Variants in CCDC60 observed in about 807,000 individuals in gnomAD.
The protein encoded by CCDC60 is coiled-coil domain-containing protein 60.
In CCDC60, 54 loss-of-function variants were observed where a neutral mutation model predicts 63.5. That is an observed-to-expected ratio of 0.85 (90% CI 0.68 to 1.07). CCDC60 has a LOEUF of 1.07. CCDC60 is among the 50% of genes least tolerant of loss of function. The pLI, the probability that CCDC60 is intolerant of heterozygous loss-of-function variation, is 0.00. For missense variants in CCDC60, 651 were observed against 684.3 expected, an observed-to-expected ratio of 0.95 and a Z score of 0.54; for synonymous variants, 206 against 238.8, an observed-to-expected ratio of 0.86 and a Z score of 1.27.
At chr12:119,447,633 G>A (rs1461620725) in intron 2 of CCDC60, 1 of 152,156 alleles carries the variant, frequency 6.6e-6, no homozygotes, top group Admixed American at 6.5e-5. Flanking sequence ...GTAATAACAG[G>A]GATGGCAGGG....
At position 119,506,369 on chromosome 12, in the gene CCDC60, G is replaced by A. The variant is rs140953906; in HGVS notation, c.883+1066G>A. Reference sequence around the variant, plus strand: ...TGTAATCCCAGAACTTAGGGAGATGGAGGTGGGCAGATCGCTTGAGTTCAG... The same window carrying A: ...TGTAATCCCAGAACTTAGGGAGATGAAGGTGGGCAGATCGCTTGAGTTCAG... On this transcript the variant is annotated intron_variant, in intron 7 of 13. Coordinates refer to ENST00000327554, the MANE Select transcript of CCDC60 (RefSeq NM_178499.5). Among the ~76,000 whole-genome samples, 421 of 150,868 alleles carry A rather than the reference G, an allele frequency of 2.8e-3. 2 individuals are homozygous for A. The highest frequency in any genetic ancestry group is 0.021 in the Middle Eastern group (6 of 292).
intron 1 of CCDC60, among the ~76,000 whole-genome samples, chr12:119,394,124 T>C (rs4128321): frequency 0.7 from 106,457 of 152,056 alleles, 37,671 homozygotes; most frequent in East Asian, 0.84. Context: ...AGGCATTCTG[T>C]GTTCACTAAG....
At chr12:119,427,068 T>C (rs974630803) in intron 1 of CCDC60, among the ~76,000 whole-genome samples, 1 of 152,222 alleles carries the variant, frequency 6.6e-6, no homozygotes, top group Non-Finnish European at 1.5e-5. Context: ...AGTACAATAC[T>C]ACCAACCAGC....
At chr12:119,360,501 G>A (rs1175937801) in intron 1 of CCDC60, among the ~76,000 whole-genome samples, 32 of 151,512 alleles carry the variant, frequency 2.1e-4, no homozygotes, top group South Asian at 4.2e-4. Context: ...CAGATGGGGC[G>A]GCTGCCGGGC....
At chr12:119,501,785 C>T (rs1218241501) in intron 6 of CCDC60, among the ~76,000 whole-genome samples, 1 of 152,178 alleles carries the variant, frequency 6.6e-6, no homozygotes, top group Non-Finnish European at 1.5e-5. Flanking sequence ...AATAGCTGTG[C>T]TTGAACTCTT....
chr12:119,537,614 G>A (rs1953041873), intron 13 of CCDC60, among the ~76,000 whole-genome samples: 1 of 152,172 alleles, frequency 6.6e-6, no homozygotes, highest in Non-Finnish European at 1.5e-5. Flanking sequence ...TGTCCTTTTT[G>A]TTGATGTTGA....
chr12:119,392,046 C>T (rs1956168533), intron 1 of CCDC60, among the ~76,000 whole-genome samples: 1 of 152,208 alleles, frequency 6.6e-6, no homozygotes, highest in Non-Finnish European at 1.5e-5. Flanking sequence ...CCAGCTAACT[C>T]AGGCCCCCCT....
chr12:119,468,123 A>AAAAT (rs894193233), intron 2 of CCDC60, among the ~76,000 whole-genome samples: 14 of 151,942 alleles, frequency 9.2e-5, no homozygotes, highest in African/African-American at 2.7e-4. Flanking sequence ...AAATAAAAAT[A>AAAAT]AAATAAATAA....
chr12:119,401,471 C>CAT, intron 1 of CCDC60, among the ~76,000 whole-genome samples: 1 of 152,298 alleles, frequency 6.6e-6, no homozygotes, highest in Non-Finnish European at 1.5e-5. Flanking sequence ...ATCTTGGCCC[C>CAT]GAAGGAGCTC....
At chr12:119,382,609 G>GGAATGAATGAATGAATGAATGAATGAAT (rs140115377) in intron 1 of CCDC60, among the ~76,000 whole-genome samples, 1 of 151,598 alleles carries the variant, frequency 6.6e-6, no homozygotes, top group African/African-American at 2.4e-5. Context: ...CAGAACAGTG[G>GGAATGAATGAATGAATGAATGAATGAAT]GAATGAATGA....
rs75506436 is a variant in CCDC60, at chr12:119,421,294, T to G, written c.91-7389T>G. On this transcript the variant is annotated intron_variant, in intron 1 of 13. Coordinates refer to ENST00000327554, the MANE Select transcript of CCDC60 (RefSeq NM_178499.5). ...TTCTGCCATATTAAATTCTTTATGA[T>G]GAAATCTAACAAAATTCAGTGGAAG... Among the ~76,000 whole-genome samples the G allele has an allele frequency of 6.9e-3, 1,044 of 152,336 alleles. 19 individuals are homozygous for G. In the East Asian group the frequency reaches 0.073, roughly 11 times the overall value.
At chr12:119,412,409 T>C (rs12296267) in intron 1 of CCDC60, among the ~76,000 whole-genome samples, 1 of 152,164 alleles carries the variant, frequency 6.6e-6, no homozygotes, top group Non-Finnish European at 1.5e-5. Flanking sequence ...TGGAAGCCAC[T>C]TGGGGGCTTA....
intron 11 of CCDC60, among the ~76,000 whole-genome samples, chr12:119,524,799 T>C (rs1952641897): frequency 6.8e-6 from 1 of 147,948 alleles, no homozygotes; most frequent in African/African-American, 2.5e-5. Flanking sequence ...CATACCTTAC[T>C]GCAGCCTCGA....
chr12:119,524,842 T>A (rs1952643799), intron 11 of CCDC60, among the ~76,000 whole-genome samples: 1 of 150,754 alleles, frequency 6.6e-6, no homozygotes, highest in Non-Finnish European at 1.5e-5. Context: ...GTTTTTGGGG[T>A]ATTTTTACAG....
intron 1 of CCDC60, among the ~76,000 whole-genome samples, chr12:119,381,969 G>A (rs1956012009): frequency 6.6e-6 from 1 of 152,204 alleles, no homozygotes; most frequent in Non-Finnish European, 1.5e-5. Flanking sequence ...AAAGCAGGCT[G>A]GCTCTTTGCA....
At chr12:119,391,229 C>T (rs1956152483) in intron 1 of CCDC60, among the ~76,000 whole-genome samples, 1 of 152,176 alleles carries the variant, frequency 6.6e-6, no homozygotes. Flanking sequence ...ACCATTCATG[C>T]CAGTGTGACT....
rs1417540454 is a variant in CCDC60 at position 119,412,008 on chromosome 12, ATTT to A, written c.91-16673_91-16671del. ...CTTGTTCAGCACCACATCCTCAGAT[ATTT>A]TCTAACTCCTAATAGATATTTAAGA... On this transcript the variant is annotated intron_variant, in intron 1 of 13. Transcript: ENST00000327554. Among the ~76,000 whole-genome samples the A allele has an allele frequency of 3.3e-5, 5 of 152,190 alleles. No homozygotes were observed. In the East Asian group the frequency reaches 9.7e-4, roughly 29 times the overall value.
chr12:119,336,557 G>GGA (rs1225095601), intron 1 of CCDC60, among the ~76,000 whole-genome samples: 1 of 152,182 alleles, frequency 6.6e-6, no homozygotes, highest in Non-Finnish European at 1.5e-5. Flanking sequence ...CTCTCTCTAT[G>GGA]GAGAGGCTGC....
intron 1 of CCDC60, among the ~76,000 whole-genome samples, chr12:119,393,804 C>A (rs1956203072): frequency 6.6e-6 from 1 of 152,114 alleles, no homozygotes; most frequent in African/African-American, 2.4e-5. Flanking sequence ...AGGGATAGAG[C>A]AAGGAAATAA....
Sources: gnomAD v4.1 joint callset for allele counts (sites outside exome capture counted in the v4.1 genomes callset) on GRCh38, gnomAD v4.1.1 for gene constraint, MANE v1.5 for transcripts, NCBI Gene and HGNC (gene_info 2026-07-23, HGNC 2026-07-21) for gene names.